The following AFF3 variants were observed in gnomAD, a reference collection of about 807,000 sequenced individuals.
AFF3 encodes the protein ALF transcription elongation factor 3.
AFF3 carries 32 observed loss-of-function variants against 129.7 expected under a neutral mutation model. The observed-to-expected ratio is 0.25, with a 90% CI of 0.19 to 0.33. The LOEUF is 0.33. Ranked by LOEUF, AFF3 falls within the 10% of genes least tolerant of loss-of-function variation. AFF3 has a pLI of 1.00. For synonymous variants in AFF3, 644 were observed against 635.4 expected, an observed-to-expected ratio of 1.01 and a Z score of -0.20; for missense variants, 1,373 against 1,592.0, an observed-to-expected ratio of 0.86 and a Z score of 2.34.
At chr2:99,690,326 A>ATG (rs1675513273) in intron 11 of AFF3, among the ~76,000 whole-genome samples, 1 of 149,936 alleles carries the variant, frequency 6.7e-6, no homozygotes, top group Non-Finnish European at 1.5e-5. Flanking sequence ...GACTACAGGC[A>ATG]CCCGCCACCA....
At chr2:99,595,666 C>G (rs1679212413) in intron 14 of AFF3, among the ~76,000 whole-genome samples, 1 of 151,680 alleles carries the variant, frequency 6.6e-6, no homozygotes, top group Non-Finnish European at 1.5e-5. Context: ...GTATTAAGAG[C>G]AGAACTCAGG....
chr2:100,083,468 T>G (rs62149343), intron 4 of AFF3, among the ~76,000 whole-genome samples: 20,669 of 152,192 alleles, frequency 0.14, 1,643 homozygotes, highest in African/African-American at 0.17. Context: ...GTCTTCACAA[T>G]CACCGCACTT....
chr2:99,896,981 C>T (rs1694018513), intron 7 of AFF3, among the ~76,000 whole-genome samples: 1 of 152,102 alleles, frequency 6.6e-6, no homozygotes, highest in South Asian at 2.1e-4. Context: ...CCCAGGTGTA[C>T]ATGAACTGTT....
chr2:100,093,779 C>T (rs1690062189), intron 4 of AFF3, among the ~76,000 whole-genome samples: 1 of 152,120 alleles, frequency 6.6e-6, no homozygotes, highest in South Asian at 2.1e-4. Flanking sequence ...CTGGGCTCTA[C>T]AATATGCCGC....
chr2:99,560,252 G>A, intron 21 of AFF3, 113 bp downstream of exon 21: 1 of 1,156,786 alleles, frequency 8.6e-7, no homozygotes, highest in Non-Finnish European at 1.3e-6. Context: ...GAACTGCTCT[G>A]GGGCTTTGTA....
intron 19 of AFF3, among the ~76,000 whole-genome samples, 185 bp from the exon 20 acceptor site, chr2:99,565,808 A>G (rs1003701032): frequency 1.3e-5 from 2 of 152,202 alleles, no homozygotes; most frequent in Non-Finnish European, 2.9e-5. Context: ...ACTGGCTTGG[A>G]GTAAGTGAGC....
intron 1 of AFF3, among the ~76,000 whole-genome samples, chr2:100,135,482 A>C (rs1188907548): frequency 6.6e-6 from 1 of 152,206 alleles, no homozygotes; most frequent in Non-Finnish European, 1.5e-5. Flanking sequence ...TTCTGTGAGA[A>C]GCCCAAGGCA....
chr2:99,563,858 T>C (rs1412205510), intron 20 of AFF3, among the ~76,000 whole-genome samples: 1 of 151,486 alleles, frequency 6.6e-6, no homozygotes, highest in African/African-American at 2.4e-5. Flanking sequence ...GAGCCAAATT[T>C]GTCTTTTTGT....
intron 12 of AFF3, among the ~76,000 whole-genome samples, chr2:99,671,386 G>A (rs150791286): frequency 6.6e-6 from 1 of 152,172 alleles, no homozygotes; most frequent in Non-Finnish European, 1.5e-5. Context: ...TCTTCCACTG[G>A]GTATTCTCCA....
intron 8 of AFF3, among the ~76,000 whole-genome samples, chr2:99,780,491 T>C (rs1260317257): frequency 6.6e-6 from 1 of 152,196 alleles, no homozygotes; most frequent in Non-Finnish European, 1.5e-5. Context: ...ATGTTCTGGA[T>C]GATCTCATCC....
At chr2:99,590,260 G>A (rs968953826) in intron 15 of AFF3, among the ~76,000 whole-genome samples, 1 of 152,242 alleles carries the variant, frequency 6.6e-6, no homozygotes, top group African/African-American at 2.4e-5. Context: ...ACTAAGACAG[G>A]AAGTGGGAGG....
At chr2:99,701,387 T>C (rs1024427766) in intron 11 of AFF3, among the ~76,000 whole-genome samples, 1 of 152,238 alleles carries the variant, frequency 6.6e-6, no homozygotes, top group African/African-American at 2.4e-5. Flanking sequence ...GAGGATTCTG[T>C]TAGTATTCTC....
intron 11 of AFF3, among the ~76,000 whole-genome samples, chr2:99,726,728 C>A (rs973140473): frequency 6.6e-6 from 1 of 152,224 alleles, no homozygotes; most frequent in Non-Finnish European, 1.5e-5. Context: ...CTTGTTACTG[C>A]ACAGCTGTGT....
chr2:99,882,944 ATGAAG>A (rs1378616377), intron 7 of AFF3, among the ~76,000 whole-genome samples: 2 of 152,248 alleles, frequency 1.3e-5, no homozygotes, highest in African/African-American at 2.4e-5. Flanking sequence ...AGTTTAAGTG[ATGAAG>A]TGAACGTTAC....
chr2:100,074,641 T>C (rs1688453867), intron 4 of AFF3, among the ~76,000 whole-genome samples: 1 of 152,246 alleles, frequency 6.6e-6, no homozygotes, highest in Non-Finnish European at 1.5e-5. Flanking sequence ...TTATCTCATT[T>C]TACTTGGTGA....
chr2:99,705,894 A>AAC (rs1295456316), intron 11 of AFF3, among the ~76,000 whole-genome samples: 8 of 151,422 alleles, frequency 5.3e-5, no homozygotes, highest in Non-Finnish European at 1.2e-4. Context: ...AAAAAAAAAA[A>AAC]AAAAAACACG....
At chr2:99,681,505 C>T (rs1674521380) in intron 11 of AFF3, among the ~76,000 whole-genome samples, 1 of 152,154 alleles carries the variant, frequency 6.6e-6, no homozygotes, top group Non-Finnish European at 1.5e-5. Flanking sequence ...CATATTGAAA[C>T]CTAACCTTAA....
intron 7 of AFF3, among the ~76,000 whole-genome samples, chr2:99,881,236 C>T (rs1377840622): frequency 6.6e-6 from 1 of 152,104 alleles, no homozygotes; most frequent in Non-Finnish European, 1.5e-5. Context: ...GGATAAATAG[C>T]ATCCACTTCT....
chr2:99,846,318 C>T (rs1689719748), intron 7 of AFF3, among the ~76,000 whole-genome samples: 1 of 152,018 alleles, frequency 6.6e-6, no homozygotes, highest in Non-Finnish European at 1.5e-5. Flanking sequence ...TTAGTAGAGA[C>T]AAGGTTTCAC....
Sources: gnomAD v4.1 joint callset for allele counts (sites outside exome capture counted in the v4.1 genomes callset) on GRCh38, gnomAD v4.1.1 for gene constraint, MANE v1.5 for transcripts, NCBI Gene and HGNC (gene_info 2026-07-23, HGNC 2026-07-21) for gene names.